The following SLC20A2 variants were observed in gnomAD, a reference collection of about 807,000 sequenced individuals.
The protein encoded by SLC20A2 is sodium-dependent phosphate transporter 2.
SLC20A2 carries 30 observed loss-of-function variants against 61.0 expected under a neutral mutation model. That is an observed-to-expected ratio of 0.49 (90% CI 0.37 to 0.67). The LOEUF is 0.67. Among genes scored for constraint, SLC20A2 ranks in the 30% least tolerant of loss-of-function variants. SLC20A2 has a pLI of 0.00. For synonymous variants in SLC20A2, 351 were observed against 353.3 expected (o/e 0.99, Z 0.07); for missense variants, 626 against 866.4 (o/e 0.72, Z 3.48).
In SLC20A2 at chr8:42,437,658, C is replaced by A; in HGVS notation, c.935-81G>T. 1.6e-6 allele frequency: 2 copies of A among 1,222,274 alleles called. No individual in the cohort carries two copies. The highest frequency in any genetic ancestry group is 2.2e-6 in the Non-Finnish European group (2 of 906,684). 75.7% of individuals were successfully genotyped at this position (1,222,274 alleles called of 1,614,324 possible). A position where few individuals can be genotyped will look rare whatever the true frequency, so the allele number is the denominator to read the frequency against. On this transcript the variant is annotated intron_variant, in intron 7 of 10. Coordinates refer to ENST00000520262, the MANE Select transcript of SLC20A2 (RefSeq NM_001257180.2). The surrounding 1 kb of genome is among the most constrained non-coding windows in gnomAD (Gnocchi z 6.4). ...TTTTTGAGACGGAGCCTTGCTCTGT[C>A]CTCAGGGTGGAGTACAATGGCGCAA...
chr8:42,434,763 C>G (rs906640589), intron 8 of SLC20A2, among the ~76,000 whole-genome samples: 13 of 152,276 alleles, frequency 8.5e-5, no homozygotes, highest in South Asian at 2.1e-4. Flanking sequence ...CTCCAAAGCC[C>G]CAGAATAGTC....
chr8:42,432,017 C>T (rs936073808), intron 8 of SLC20A2, among the ~76,000 whole-genome samples: 1 of 152,184 alleles, frequency 6.6e-6, no homozygotes, highest in African/African-American at 2.4e-5. Context: ...TGTTCTGCAG[C>T]CCATGGATCA....
At chr8:42,448,346 G>A (rs1052027563) in intron 5 of SLC20A2, among the ~76,000 whole-genome samples, 1 of 152,186 alleles carries the variant, frequency 6.6e-6, no homozygotes, top group African/African-American at 2.4e-5. Flanking sequence ...ATGAGTGAAC[G>A]CTTTTGCTAT....
In SLC20A2 at chr8:42,510,834, C is replaced by T. The variant is rs895506910; in HGVS notation, c.-265+30987G>A. Among the ~76,000 whole-genome samples, 6 of 151,472 alleles carry T rather than the reference C, an allele frequency of 4.0e-5. No homozygotes were observed. In the East Asian group the frequency reaches 1.2e-3, roughly 29 times the overall value. On this transcript the variant is annotated intron_variant, in intron 1 of 10. Coordinates refer to the SLC20A2 transcript ENST00000342228. ...TGACTCAATGCACATAAAGCACTTACAACAGAGCTTGGCATGGATTTTTGA... is the reference window on the plus strand; with the variant it reads ...TGACTCAATGCACATAAAGCACTTATAACAGAGCTTGGCATGGATTTTTGA...
chr8:42,491,807 C>T (rs1317194033), intron 1 of SLC20A2, among the ~76,000 whole-genome samples: 1 of 152,178 alleles, frequency 6.6e-6, no homozygotes, highest in African/African-American at 2.4e-5. Flanking sequence ...TCTTTTAAGG[C>T]ATTCAACTTG....
intron 5 of SLC20A2, among the ~76,000 whole-genome samples, chr8:42,451,170 AGAGAAG>A (rs901620157): frequency 6.7e-6 from 1 of 149,872 alleles, no homozygotes; most frequent in African/African-American, 2.5e-5. Context: ...AGGTGGAAGA[AGAGAAG>A]GAGGAGGAAG....
chr8:42,482,163 G>GGCTGCCT (rs1361572918), intron 1 of SLC20A2, among the ~76,000 whole-genome samples: 1 of 152,130 alleles, frequency 6.6e-6, no homozygotes, highest in African/African-American at 2.4e-5. Context: ...TTAGTAGAAA[G>GGCTGCCT]GCTGCCTCAG....
At chr8:42,443,754 A>AC (rs1178283347) in intron 6 of SLC20A2, among the ~76,000 whole-genome samples, 1 of 151,966 alleles carries the variant, frequency 6.6e-6, no homozygotes, top group Non-Finnish European at 1.5e-5. Context: ...GCCTTCTCCA[A>AC]CCCCCACCCA....
At chr8:42,444,480 C>T (rs1275440162) in intron 6 of SLC20A2, among the ~76,000 whole-genome samples, 166 bp downstream of exon 6, 7 of 152,134 alleles carry the variant, frequency 4.6e-5, no homozygotes, top group Admixed American at 3.3e-4. Flanking sequence ...ATCAAGAAAA[C>T]GTATGAGCCA....
chr8:42,533,588 G>T (rs758712503), intron 1 of SLC20A2, among the ~76,000 whole-genome samples: 3 of 149,042 alleles, frequency 2.0e-5, no homozygotes, highest in Non-Finnish European at 4.4e-5. Flanking sequence ...AGATTGCGTC[G>T]TCATCACACT....
intron 9 of SLC20A2, 74 bp downstream of exon 9, chr8:42,429,990 A>G: frequency 1.5e-6 from 2 of 1,358,636 alleles, no homozygotes; most frequent in Non-Finnish European, 2.0e-6. Context: ...CAGGCCGTTC[A>G]GACACAGCCG....
chr8:42,433,302 C>G (rs1804001822), intron 8 of SLC20A2, among the ~76,000 whole-genome samples: 1 of 152,100 alleles, frequency 6.6e-6, no homozygotes, highest in Non-Finnish European at 1.5e-5. Flanking sequence ...CTGTAGACAG[C>G]TCATAGAAGT....
intron 6 of SLC20A2, among the ~76,000 whole-genome samples, chr8:42,442,172 A>T (rs1804841422): frequency 6.6e-6 from 1 of 152,198 alleles, no homozygotes; most frequent in African/African-American, 2.4e-5. Flanking sequence ...ACCTCAGGTG[A>T]TCTGCCTGCC....
intron 1 of SLC20A2, among the ~76,000 whole-genome samples, chr8:42,490,368 C>T (rs989077799): frequency 1.4e-4 from 21 of 152,208 alleles, no homozygotes; most frequent in African/African-American, 4.1e-4. Flanking sequence ...GAGGCCGAGG[C>T]GGGTGGATCA....
At chr8:42,514,876 A>G (rs1379807830) in intron 1 of SLC20A2, among the ~76,000 whole-genome samples, 2 of 152,188 alleles carry the variant, frequency 1.3e-5, no homozygotes, top group Non-Finnish European at 2.9e-5. Flanking sequence ...AGCTTAGGGA[A>G]GCCTGGTGTA....
chr8:42,538,554 T>TTCCCCAGGGAA (rs1812855719), intron 1 of SLC20A2, among the ~76,000 whole-genome samples: 1 of 152,128 alleles, frequency 6.6e-6, no homozygotes. Flanking sequence ...GGAGAGAGGA[T>TTCCCCAGGGAA]TCCCCAGGGA....
chr8:42,426,044 A>C (rs983968409), intron 10 of SLC20A2, among the ~76,000 whole-genome samples: 3 of 152,088 alleles, frequency 2.0e-5, no homozygotes, highest in East Asian at 1.9e-4. Context: ...TCAAAAAAAA[A>C]ACCTTATCAT....
intron 5 of SLC20A2, among the ~76,000 whole-genome samples, chr8:42,455,999 G>A (rs1381871007): frequency 1.3e-5 from 2 of 152,018 alleles, no homozygotes; most frequent in African/African-American, 4.8e-5. Context: ...ACCCTATGAA[G>A]TATTTATATT....
intron 1 of SLC20A2, among the ~76,000 whole-genome samples, chr8:42,527,496 G>A (rs1347988685): frequency 6.6e-6 from 1 of 152,108 alleles, no homozygotes; most frequent in East Asian, 1.9e-4. Flanking sequence ...ATGGGGAAAA[G>A]GCCGGATGCA....
Sources: gnomAD v4.1 joint callset for allele counts (sites outside exome capture counted in the v4.1 genomes callset) on GRCh38, gnomAD v4.1.1 for gene constraint, Gnocchi (gnomAD v3.1) non-coding constraint, MANE v1.5 for transcripts, NCBI Gene and HGNC (gene_info 2026-07-23, HGNC 2026-07-21) for gene names.